HCN1: variants seen among roughly 807,000 people sequenced by gnomAD.
HCN1 encodes the protein potassium/sodium hyperpolarization-activated cyclic nucleotide-gated channel 1.
A neutral mutation model predicts 78.9 loss-of-function variants in HCN1; 13 were observed. The observed-to-expected ratio is 0.16, with a 90% CI of 0.11 to 0.26. HCN1 has a LOEUF of 0.26. Ranked by LOEUF, HCN1 falls within the 10% of genes least tolerant of loss-of-function variation. HCN1 has a pLI of 1.00. For synonymous variants in HCN1, 552 were observed against 455.5 expected (o/e 1.21, Z -2.70); for missense variants, 810 against 1,154.3 (o/e 0.70, Z 4.32).
chr5:45,360,858 C>G (rs1212312798), intron 4 of HCN1, among the ~76,000 whole-genome samples: 1 of 151,998 alleles, frequency 6.6e-6, no homozygotes, highest in African/African-American at 2.4e-5. Flanking sequence ...GAGTCAGATA[C>G]TCCTATTTTA....
intron 1 of HCN1, among the ~76,000 whole-genome samples, chr5:45,681,872 C>T (rs1739707656): frequency 6.6e-6 from 1 of 152,084 alleles, no homozygotes; most frequent in Non-Finnish European, 1.5e-5. Flanking sequence ...TTTTATAGGG[C>T]TGTGAAAGAA....
chr5:45,654,169 C>G (rs953302125), intron 1 of HCN1, among the ~76,000 whole-genome samples: 4 of 152,074 alleles, frequency 2.6e-5, no homozygotes, highest in African/African-American at 9.7e-5. Context: ...ATCTGTTCCT[C>G]CCTAAATATA....
rs928774092 is a variant in HCN1, at chr5:45,525,436, A to G, written c.850-63429T>C. Among the ~76,000 whole-genome samples the G allele has an allele frequency of 2.7e-5, 4 of 150,904 alleles. No homozygotes were observed. The South Asian group carries it at 8.3e-4, about 31-fold the overall frequency. ...ATTTTATTTTGCCTTTAATTTAGAC[A>G]TGGTTTAATATCGACATCAAATAAG... is the stretch of plus-strand genomic sequence containing the variant. On this transcript the variant is annotated intron_variant, in intron 2 of 7. Coordinates refer to ENST00000303230, the MANE Select transcript of HCN1 (RefSeq NM_021072.4).
chr5:45,542,898 T>C (rs1328888471), intron 2 of HCN1, among the ~76,000 whole-genome samples: 2 of 152,186 alleles, frequency 1.3e-5, no homozygotes, highest in African/African-American at 4.8e-5. Context: ...GAAGCTGTTT[T>C]TAGAATATGT....
chr5:45,524,493 G>T (rs1334029986), intron 2 of HCN1, among the ~76,000 whole-genome samples: 3 of 152,160 alleles, frequency 2.0e-5, no homozygotes, highest in African/African-American at 7.2e-5. Context: ...CTACCCATGA[G>T]CATGAAATGT....
chr5:45,500,225 C>G (rs1742161476), intron 2 of HCN1, among the ~76,000 whole-genome samples: 1 of 151,952 alleles, frequency 6.6e-6, no homozygotes, highest in Admixed American at 6.6e-5. Flanking sequence ...AGACAGGTAG[C>G]CTATGTCCAG....
At chr5:45,624,646 T>TA (rs1402306180) in intron 2 of HCN1, among the ~76,000 whole-genome samples, 1 of 151,912 alleles carries the variant, frequency 6.6e-6, no homozygotes, top group Non-Finnish European at 1.5e-5. Flanking sequence ...ATTCTATTGA[T>TA]AGAGACCTCA....
At chr5:45,546,092 A>T (rs1369798829) in intron 2 of HCN1, among the ~76,000 whole-genome samples, 3 of 152,062 alleles carry the variant, frequency 2.0e-5, no homozygotes, top group Non-Finnish European at 4.4e-5. Context: ...ATGTTACATT[A>T]TAATTATTTG....
chr5:45,314,776 A>G (rs1195231788), intron 5 of HCN1, among the ~76,000 whole-genome samples: 7 of 152,206 alleles, frequency 4.6e-5, no homozygotes, highest in Non-Finnish European at 7.3e-5. Flanking sequence ...AGTCTCTGAT[A>G]AAACAGACTT....
At position 45,490,855 on chromosome 5, in the gene HCN1, A is replaced by T. The variant is rs193228048; in HGVS notation, c.850-28848T>A. Reference sequence around the variant, plus strand: ...GAATAGAAACCATCCTTTCCTAAGTACCCTTGACCTTTCTATACCAATCAT... The same window carrying T: ...GAATAGAAACCATCCTTTCCTAAGTTCCCTTGACCTTTCTATACCAATCAT... On this transcript the variant is annotated intron_variant, in intron 2 of 7. Coordinates refer to ENST00000303230, the MANE Select transcript of HCN1 (RefSeq NM_021072.4). 3.2e-4 allele frequency among the ~76,000 whole-genome samples: 49 copies of T among 152,110 alleles called. No individual in the cohort carries two copies. In the East Asian group the frequency reaches 6.6e-3, roughly 20 times the overall value.
chr5:45,294,368 T>G (rs983936353), intron 6 of HCN1, among the ~76,000 whole-genome samples: 1 of 152,030 alleles, frequency 6.6e-6, no homozygotes, highest in African/African-American at 2.4e-5. Context: ...GCTTGCGAAA[T>G]GTCCATTATT....
At chr5:45,288,442 G>A (rs766814609) in intron 6 of HCN1, among the ~76,000 whole-genome samples, 6 of 151,864 alleles carry the variant, frequency 4.0e-5, no homozygotes, top group Admixed American at 2.0e-4. Context: ...CCATTCTAAC[G>A]GAATCATTGG....
At chr5:45,599,434 G>A (rs1337954994) in intron 2 of HCN1, among the ~76,000 whole-genome samples, 1 of 152,066 alleles carries the variant, frequency 6.6e-6, no homozygotes, top group Admixed American at 6.6e-5. Flanking sequence ...GGGAGGGATA[G>A]CATTAGGAGA....
At chr5:45,542,568 T>A (rs948172703) in intron 2 of HCN1, among the ~76,000 whole-genome samples, 7 of 152,138 alleles carry the variant, frequency 4.6e-5, no homozygotes, top group African/African-American at 1.7e-4. Context: ...CTTTGATGAA[T>A]ACTACAGTGG....
At chr5:45,600,268 T>C (rs1488754045) in intron 2 of HCN1, among the ~76,000 whole-genome samples, 1 of 151,740 alleles carries the variant, frequency 6.6e-6, no homozygotes, top group Admixed American at 6.6e-5. Context: ...GACAGGTGAG[T>C]TCTGAGTAAA....
At chr5:45,269,498 A>G (rs1744920478) in intron 6 of HCN1, among the ~76,000 whole-genome samples, 1 of 152,094 alleles carries the variant, frequency 6.6e-6, no homozygotes, top group African/African-American at 2.4e-5. Context: ...TTGATGTCCA[A>G]TCACATTTAA....
At chr5:45,313,555 G>C (rs1013145031) in intron 5 of HCN1, among the ~76,000 whole-genome samples, 1 of 152,086 alleles carries the variant, frequency 6.6e-6, no homozygotes, top group Non-Finnish European at 1.5e-5. Context: ...GGCTTCAGAC[G>C]ATAAAACTTC....
intron 2 of HCN1, among the ~76,000 whole-genome samples, chr5:45,570,254 A>G (rs1160534287): frequency 3.3e-5 from 5 of 151,354 alleles, no homozygotes; most frequent in Non-Finnish European, 5.9e-5. Flanking sequence ...AGGTATTTTT[A>G]TTGCATCTTT....
intron 1 of HCN1, among the ~76,000 whole-genome samples, chr5:45,675,181 C>T (rs1431811066): frequency 1.3e-5 from 2 of 151,514 alleles, no homozygotes; most frequent in Non-Finnish European, 3.0e-5. Flanking sequence ...TGTGTAGAAC[C>T]CATCTTATAT....
Sources: allele counts gnomAD v4.1 joint callset (sites outside exome capture counted in the v4.1 genomes callset), GRCh38; gene constraint gnomAD v4.1.1; transcripts MANE v1.5; gene names NCBI Gene and HGNC (gene_info 2026-07-23, HGNC 2026-07-21).